The following RNF220 variants were observed in gnomAD, a reference collection of about 807,000 sequenced individuals.
RNF220 encodes the protein ring finger protein 220.
In RNF220, 7 loss-of-function variants were observed where a neutral mutation model predicts 67.1. That is an observed-to-expected ratio of 0.10 (90% CI 0.06 to 0.20). The LOEUF (loss-of-function observed/expected upper bound fraction) is 0.20, where lower values mean the gene tolerates loss of function less well. Among genes scored for constraint, RNF220 ranks in the 10% least tolerant of loss-of-function variants. The pLI is 1.00. For synonymous variants in RNF220, 270 were observed against 283.2 expected, an observed-to-expected ratio of 0.95 and a Z score of 0.47; for missense variants, 565 against 740.3, an observed-to-expected ratio of 0.76 and a Z score of 2.75.
At chr1:44,596,724 G>T (rs1409126949) in intron 2 of RNF220, among the ~76,000 whole-genome samples, 1 of 152,182 alleles carries the variant, frequency 6.6e-6, no homozygotes, top group Non-Finnish European at 1.5e-5. Flanking sequence ...GACCTGGCTG[G>T]CCCAGGGAGG....
intron 2 of RNF220, among the ~76,000 whole-genome samples, chr1:44,424,780 T>A (rs1040409800): frequency 2.0e-5 from 3 of 152,194 alleles, no homozygotes; most frequent in African/African-American, 7.2e-5. Context: ...CCTCCCCTTC[T>A]TGGTGCAATA....
chr1:44,614,256 T>C lies in RNF220; in HGVS notation c.717T>C (p.His239=), dbSNP rs1404756583. The C allele has an allele frequency of 6.2e-7, 1 of 1,614,084 alleles. No individual in the cohort carries two copies. Among genetic ancestry groups the C allele is most frequent in the Non-Finnish European group, 8.5e-7 (1 of 1,179,978 alleles). The part of the protein sequence containing the change: ...VLLRPSELQE[H]MEQELEQLAQ... ...TGAGGCCCAGTGAGCTGCAGGAGCA[T>C]ATGGAGCAGGAACTGGAGCAGCTAG... Residue 239 remains histidine (H), a synonymous_variant, in exon 3 of 15, where the codon CAT becomes CAC. Coordinates refer to ENST00000361799, the MANE Select transcript of RNF220 (RefSeq NM_018150.4).
intron 2 of RNF220, among the ~76,000 whole-genome samples, chr1:44,448,992 A>C (rs928098944): frequency 6.6e-6 from 1 of 152,230 alleles, no homozygotes; most frequent in Non-Finnish European, 1.5e-5. Context: ...CAGACTTAGG[A>C]TATTTAGCTA....
intron 2 of RNF220, among the ~76,000 whole-genome samples, chr1:44,465,943 C>T (rs1468837359): frequency 1.3e-5 from 2 of 151,538 alleles, no homozygotes; most frequent in East Asian, 1.9e-4. Flanking sequence ...TTAAGGTTGG[C>T]GTAGCTGTGG....
At chr1:44,497,525 C>T (rs1490635789) in intron 2 of RNF220, among the ~76,000 whole-genome samples, 1 of 152,196 alleles carries the variant, frequency 6.6e-6, no homozygotes, top group Non-Finnish European at 1.5e-5. Context: ...ACAGTTTGTG[C>T]CAGTTCCTTT....
intron 2 of RNF220, among the ~76,000 whole-genome samples, chr1:44,546,739 A>G (rs1284026458): frequency 6.6e-6 from 1 of 152,134 alleles, no homozygotes; most frequent in Non-Finnish European, 1.5e-5. Flanking sequence ...CTGGCACCCC[A>G]AAGCTGGGAC....
At chr1:44,536,255 C>T (rs1333977822) in intron 2 of RNF220, among the ~76,000 whole-genome samples, 3 of 152,204 alleles carry the variant, frequency 2.0e-5, no homozygotes, top group Non-Finnish European at 4.4e-5. Context: ...CAGAAACGAA[C>T]TCTTTGCAAG....
chr1:44,408,968 T>C (rs1200679155), intron 1 of RNF220: 1 of 152,272 alleles, frequency 6.6e-6, no homozygotes, highest in Non-Finnish European at 1.5e-5. Flanking sequence ...AGACTTTCTC[T>C]TGGGCTTTCG....
intron 2 of RNF220, among the ~76,000 whole-genome samples, chr1:44,426,327 A>G (rs1236781979): frequency 1.3e-5 from 2 of 152,210 alleles, no homozygotes; most frequent in African/African-American, 4.8e-5. Flanking sequence ...GGCCAGTATG[A>G]CAAGATGAAG....
chr1:44,466,828 G>A (rs1450648016), intron 2 of RNF220, among the ~76,000 whole-genome samples: 1 of 152,184 alleles, frequency 6.6e-6, no homozygotes, highest in African/African-American at 2.4e-5. Flanking sequence ...TCCATTTATA[G>A]AGCATAGGCA....
chr1:44,619,279 C>T (rs768530484), intron 3 of RNF220, among the ~76,000 whole-genome samples: 2 of 152,184 alleles, frequency 1.3e-5, no homozygotes, highest in Non-Finnish European at 2.9e-5. Context: ...GGCCTCTGAG[C>T]TGGGAAGCCA....
At chr1:44,562,403 C>T (rs1663643911) in intron 2 of RNF220, among the ~76,000 whole-genome samples, 1 of 152,224 alleles carries the variant, frequency 6.6e-6, no homozygotes. Flanking sequence ...CTGACACCTG[C>T]TCCCAGGCCT....
chr1:44,649,633 C>G lies in RNF220; in HGVS notation c.1446-28C>G. On this transcript the variant is annotated intron_variant, in intron 12 of 14. Coordinates refer to ENST00000361799, the MANE Select transcript of RNF220 (RefSeq NM_018150.4). This position sits in a 1 kb window ranked among gnomAD's most constrained non-coding sequence, Gnocchi z 5.9. ...GGTACAGATGAGAGATGCCAGCCTGCTACCCAACCATGCCTTCCTTTTTAC... is the reference window on the plus strand; with the variant it reads ...GGTACAGATGAGAGATGCCAGCCTGGTACCCAACCATGCCTTCCTTTTTAC... 6.2e-7 allele frequency: 1 copy of G among 1,605,220 alleles called. No homozygotes were observed. The highest frequency in any genetic ancestry group is 2.2e-5 in the East Asian group (1 of 44,842).
intron 2 of RNF220, among the ~76,000 whole-genome samples, chr1:44,479,463 A>G (rs567822438): frequency 3.6e-4 from 55 of 152,154 alleles, no homozygotes; most frequent in Middle Eastern, 3.4e-3. Context: ...TCTATGTACC[A>G]CAAGCCACAC....
At chr1:44,552,179 A>T (rs928722822) in intron 2 of RNF220, among the ~76,000 whole-genome samples, 16 of 152,218 alleles carry the variant, frequency 1.1e-4, no homozygotes, top group Non-Finnish European at 2.1e-4. Flanking sequence ...CCAGATCCTC[A>T]CAATGGCCTC....
intron 2 of RNF220, among the ~76,000 whole-genome samples, chr1:44,422,426 A>G (rs1264072446): frequency 2.0e-5 from 3 of 152,246 alleles, no homozygotes; most frequent in African/African-American, 7.2e-5. Context: ...CAGACTGAGC[A>G]GCAGTCAAGG....
At chr1:44,461,875 G>A (rs1653790944) in intron 2 of RNF220, among the ~76,000 whole-genome samples, 1 of 151,036 alleles carries the variant, frequency 6.6e-6, no homozygotes, top group Non-Finnish European at 1.5e-5. Context: ...TCTTAATGCA[G>A]TGTATACAAT....
intron 2 of RNF220, among the ~76,000 whole-genome samples, chr1:44,443,300 A>T (rs185141549): frequency 2.1e-3 from 326 of 151,930 alleles, no homozygotes; most frequent in Non-Finnish European, 3.8e-3. Flanking sequence ...CCATTACCTC[A>T]CCCCTTATAA....
chr1:44,528,848 A>G (rs747785828), intron 2 of RNF220, among the ~76,000 whole-genome samples: 13 of 147,994 alleles, frequency 8.8e-5, no homozygotes, highest in Non-Finnish European at 1.5e-4. Flanking sequence ...TCCTGACCTC[A>G]GGCGATCCAC....
Sources: allele counts gnomAD v4.1 joint callset (sites outside exome capture counted in the v4.1 genomes callset), GRCh38; gene constraint gnomAD v4.1.1; non-coding constraint Gnocchi (gnomAD v3.1); transcripts MANE v1.5; gene names NCBI Gene and HGNC (gene_info 2026-07-23, HGNC 2026-07-21).